Variants in ST6GAL2 observed in about 807,000 individuals in gnomAD.
ST6GAL2 encodes the protein ST6 beta-galactoside alpha-2,6-sialyltransferase 2.
Under a neutral mutation model 37.5 loss-of-function variants are expected in ST6GAL2, and 24 were observed. The observed-to-expected ratio is 0.64, with a 90% CI of 0.46 to 0.90. The LOEUF (loss-of-function observed/expected upper bound fraction) is 0.90. Ranked by LOEUF, ST6GAL2 falls within the 40% of genes least tolerant of loss-of-function variation. The pLI, the probability that ST6GAL2 is intolerant of heterozygous loss-of-function variation, is 0.00. For synonymous variants in ST6GAL2, 306 were observed against 295.1 expected (o/e 1.04, Z -0.38); for missense variants, 715 against 712.7 (o/e 1.00, Z -0.04).
chr2:106,881,856 T>C (rs1573332334), intron 1 of ST6GAL2, among the ~76,000 whole-genome samples: 1 of 152,346 alleles, frequency 6.6e-6, no homozygotes, highest in South Asian at 2.1e-4. Context: ...TTCTTTACAG[T>C]GTATTCTCTA....
intron 2 of ST6GAL2, among the ~76,000 whole-genome samples, chr2:106,835,736 A>G (rs187648054): frequency 3.9e-5 from 6 of 152,350 alleles, no homozygotes; most frequent in Non-Finnish European, 8.8e-5. Flanking sequence ...TACAGTTCAC[A>G]AAACAAAAAA....
chr2:106,854,566 T>C (rs1327470300), intron 1 of ST6GAL2, among the ~76,000 whole-genome samples: 1 of 152,210 alleles, frequency 6.6e-6, no homozygotes, highest in East Asian at 1.9e-4. Flanking sequence ...TTAATTTATA[T>C]GTTGCATTAT....
chr2:106,853,438 C>T (rs895254848), intron 1 of ST6GAL2, among the ~76,000 whole-genome samples: 16 of 152,190 alleles, frequency 1.1e-4, no homozygotes, highest in Non-Finnish European at 2.2e-4. Context: ...GTTGCATGGT[C>T]CCAGGACTGC....
At chr2:106,812,475 C>T (rs931046707) in intron 5 of ST6GAL2, among the ~76,000 whole-genome samples, 16 of 152,136 alleles carry the variant, frequency 1.1e-4, no homozygotes, top group Admixed American at 9.2e-4. Context: ...TCCAGACTCT[C>T]GGAAGGAAAG....
intron 5 of ST6GAL2, among the ~76,000 whole-genome samples, chr2:106,810,234 T>C (rs922775885): frequency 6.6e-6 from 1 of 152,212 alleles, no homozygotes; most frequent in Admixed American, 6.5e-5. Context: ...TCATAGACTA[T>C]GCAAATAGTT....
At chr2:106,813,357 AAAGCATTTCTAC>A in intron 5 of ST6GAL2, 1 of 552,074 alleles carries the variant, frequency 1.8e-6, no homozygotes, top group Non-Finnish European at 2.7e-6. Flanking sequence ...AACCATTTAA[AAAGCATTTCTAC>A]TGGTTTTGAT....
intron 1 of ST6GAL2, among the ~76,000 whole-genome samples, chr2:106,850,295 G>A (rs1677305745): frequency 6.6e-6 from 1 of 152,180 alleles, no homozygotes; most frequent in East Asian, 1.9e-4. Context: ...CTGTGGCAGA[G>A]TTTGCTCTCT....
intron 1 of ST6GAL2, among the ~76,000 whole-genome samples, chr2:106,869,486 G>A (rs992903306): frequency 3.3e-5 from 5 of 152,084 alleles, no homozygotes; most frequent in African/African-American, 7.2e-5. Context: ...TAGGAAGCCC[G>A]CAATTTGGAA....
At chr2:106,870,469 T>G (rs1678218369) in intron 1 of ST6GAL2, among the ~76,000 whole-genome samples, 1 of 152,172 alleles carries the variant, frequency 6.6e-6, no homozygotes, top group Non-Finnish European at 1.5e-5. Context: ...GTGTTTACTT[T>G]CATTGCCTGA....
At position 106,843,846 on chromosome 2, in the gene ST6GAL2, G is replaced by A. The variant is rs572740862; in HGVS notation, c.132C>T (p.Ser44=). ...GCAGGAGCCTCCTGGTCTCCAGGAA[G>A]GAGAGGGAGCTGGGTACAGGCTCAG... ...NPAEPVPSSL[S]FLETRRLLPV... Residue 44 remains serine, a synonymous_variant, in exon 2 of 6, where the codon TCC becomes TCT. Transcript: ENST00000409382. 1.5e-4 allele frequency: 236 copies of A among 1,612,208 alleles called. No individual in the cohort carries two copies. The highest frequency in any genetic ancestry group is 2.0e-4 in the Non-Finnish European group (233 of 1,179,704).
At chr2:106,866,926 G>C (rs1032421184) in intron 1 of ST6GAL2, among the ~76,000 whole-genome samples, 15 of 152,102 alleles carry the variant, frequency 9.9e-5, no homozygotes, top group Non-Finnish European at 4.4e-5. Flanking sequence ...CAAGTTAAAT[G>C]CTTTTAAATT....
chr2:106,809,051 A>G (rs1675519886), intron 5 of ST6GAL2, among the ~76,000 whole-genome samples: 1 of 152,144 alleles, frequency 6.6e-6, no homozygotes, highest in South Asian at 2.1e-4. Flanking sequence ...AACAAACAAG[A>G]AGTGCTCTGG....
intron 5 of ST6GAL2, chr2:106,823,203 C>G (rs1174098338): frequency 6.6e-6 from 1 of 151,974 alleles, no homozygotes; most frequent in African/African-American, 2.4e-5. Context: ...GTATTTCTGT[C>G]CAAATCTGAT....
chr2:106,836,773 C>CAAA (rs70956213), intron 2 of ST6GAL2, among the ~76,000 whole-genome samples: 191 of 70,212 alleles, frequency 2.7e-3, no homozygotes, highest in Non-Finnish European at 3.7e-3. Flanking sequence ...ACTAAAAATA[C>CAAA]AAAAAAAAAA....
At position 106,882,074 on chromosome 2, in the gene ST6GAL2, C is replaced by A. The variant is rs78086292; in HGVS notation, c.-58+4019G>T. On this transcript the variant is annotated intron_variant, in intron 1 of 5. Transcript: ENST00000409382. ...TGCCTGGATATTCCACATTTCATAG[C>A]CCATTTTTAAGTTGCAGCTTAAAAC... Among the ~76,000 whole-genome samples the A allele has an allele frequency of 7.2e-5, 11 of 152,308 alleles. No individual in the cohort carries two copies. The East Asian group carries it at 2.1e-3, about 29-fold the overall frequency.
At chr2:106,836,256 A>G (rs1483676214) in intron 2 of ST6GAL2, among the ~76,000 whole-genome samples, 3 of 152,278 alleles carry the variant, frequency 2.0e-5, no homozygotes, top group African/African-American at 4.8e-5. Context: ...TTTGAATTCA[A>G]CTTGTTGCAA....
chr2:106,831,226 G>A (rs1254863522), intron 4 of ST6GAL2, among the ~76,000 whole-genome samples: 2 of 152,322 alleles, frequency 1.3e-5, no homozygotes, highest in Admixed American at 1.3e-4. Context: ...GGGAGCAAGA[G>A]GAATGTGGGG....
chr2:106,823,140 A>C (rs1445539386), intron 5 of ST6GAL2: 1 of 152,166 alleles, frequency 6.6e-6, no homozygotes, highest in Non-Finnish European at 1.5e-5. Flanking sequence ...GTGGAAAAGG[A>C]AGCCCTGTTA....
chr2:106,833,994 T>G (rs1313140525), intron 3 of ST6GAL2, 55 bp downstream of exon 3: 8 of 1,306,034 alleles, frequency 6.1e-6, no homozygotes, highest in Non-Finnish European at 8.8e-6. Flanking sequence ...TTCTCTTCAC[T>G]CATCCAGTTA....
Sources: gnomAD v4.1 joint callset for allele counts (sites outside exome capture counted in the v4.1 genomes callset) on GRCh38, gnomAD v4.1.1 for gene constraint, MANE v1.5 for transcripts, NCBI Gene and HGNC (gene_info 2026-07-23, HGNC 2026-07-21) for gene names.